Variants in CAAP1 observed in about 807,000 individuals in gnomAD.
CAAP1 encodes the protein caspase activity and apoptosis inhibitor 1, also known as conserved anti-apoptotic protein.
CAAP1 carries 20 observed loss-of-function variants against 34.0 expected under a neutral mutation model. The ratio of observed to expected loss-of-function variants is 0.59; its 90% confidence interval spans 0.41 to 0.86. The LOEUF (loss-of-function observed/expected upper bound fraction) is 0.86. Among genes scored for constraint, CAAP1 ranks in the 40% least tolerant of loss-of-function variants. The probability of loss-of-function intolerance (pLI) is 0.00; values close to 1 mark genes in which losing one functional copy is unlikely to be tolerated. For missense variants in CAAP1, 538 were observed against 450.5 expected (o/e 1.19, Z -1.76); for synonymous variants, 213 against 166.7 (o/e 1.28, Z -2.14).
intron 5 of CAAP1, among the ~76,000 whole-genome samples, chr9:26,845,951 T>A (rs901788039): frequency 2.0e-5 from 3 of 151,990 alleles, no homozygotes; most frequent in Admixed American, 1.3e-4. Flanking sequence ...TTCTTTGATA[T>A]AAAATGGATG....
At chr9:26,881,151 T>C (rs757152680) in intron 4 of CAAP1, among the ~76,000 whole-genome samples, 10 of 152,144 alleles carry the variant, frequency 6.6e-5, no homozygotes, top group Non-Finnish European at 1.5e-4. Context: ...TAATTTAATT[T>C]TTTGTAGAGA....
chr9:26,864,103 A>G (rs1479881158), intron 4 of CAAP1, among the ~76,000 whole-genome samples: 1 of 151,686 alleles, frequency 6.6e-6, no homozygotes, highest in Non-Finnish European at 1.5e-5. Context: ...TATCTCCAAC[A>G]CTCCTTTAAA....
intron 4 of CAAP1, among the ~76,000 whole-genome samples, chr9:26,875,599 T>C (rs972573548): frequency 1.3e-5 from 2 of 152,224 alleles, no homozygotes; most frequent in South Asian, 4.1e-4. Flanking sequence ...ACTGATATAA[T>C]TGTTTCTAAA....
rs564414365 is a variant in CAAP1 at position 26,890,837 on chromosome 9, C to T, written c.303+1576G>A. On this transcript the variant is annotated intron_variant, in intron 1 of 5. Coordinates refer to ENST00000333916, the MANE Select transcript of CAAP1 (RefSeq NM_024828.4). The stretch of plus-strand genomic sequence containing the variant: ...GCGGGCGCCTGCAGTCCCAGCTACT[C>T]GGGAGGCTGAGGCAGGGGAATGGCC... Among the ~76,000 whole-genome samples, 100 of 151,976 alleles carry T rather than the reference C, an allele frequency of 6.6e-4. 1 individual carries two copies. The highest frequency in any genetic ancestry group is 2.3e-3 in the African/African-American group (94 of 41,476).
chr9:26,866,649 C>A (rs1188950739), intron 4 of CAAP1, among the ~76,000 whole-genome samples: 3 of 152,112 alleles, frequency 2.0e-5, no homozygotes, highest in Admixed American at 6.6e-5. Context: ...AAGCTTGGGA[C>A]CTTAACATGG....
intron 5 of CAAP1, among the ~76,000 whole-genome samples, chr9:26,860,080 A>G (rs1200242656): frequency 6.6e-6 from 1 of 152,182 alleles, no homozygotes; most frequent in African/African-American, 2.4e-5. Flanking sequence ...GCCATCAAAG[A>G]TTAGGTGATT....
chr9:26,857,828 G>A (rs546987457), intron 5 of CAAP1, among the ~76,000 whole-genome samples: 1 of 152,128 alleles, frequency 6.6e-6, no homozygotes, highest in Non-Finnish European at 1.5e-5. Flanking sequence ...AGTACTGCCG[G>A]TTTCAAAAAT....
intron 4 of CAAP1, among the ~76,000 whole-genome samples, chr9:26,871,992 T>A (rs6475947): frequency 0.3 from 45,659 of 151,986 alleles, 8,293 homozygotes; most frequent in East Asian, 0.74. Context: ...CAATTGGGCT[T>A]TGTAAGTGGA....
chr9:26,856,797 C>CT lies in CAAP1; in HGVS notation c.739+4268dup, dbSNP rs1169438822. Among the ~76,000 whole-genome samples, 3 of 152,158 alleles carry CT rather than the reference C, an allele frequency of 2.0e-5. No individual in the cohort carries two copies. The East Asian group carries it at 5.8e-4, about 29-fold the overall frequency. ...TAGTCCTTCAAATATTTTACAGCAA[C>CT]TATAAACCTCAACTCCTCAATCTAA... On this transcript the variant is annotated intron_variant, in intron 5 of 5. Coordinates refer to ENST00000333916, the MANE Select transcript of CAAP1 (RefSeq NM_024828.4).
At chr9:26,873,528 C>T (rs1397631202) in intron 4 of CAAP1, among the ~76,000 whole-genome samples, 1 of 152,112 alleles carries the variant, frequency 6.6e-6, no homozygotes, top group Non-Finnish European at 1.5e-5. Context: ...TTTTATTGTG[C>T]TATTCAAGAC....
rs760753907 is a variant in CAAP1, at chr9:26,842,386, T to C, written c.1001A>G (p.Gln334Arg). ...PPPEDVQPSAQQLELLELEMR... is the reference protein window; with the variant it reads ...PPPEDVQPSARQLELLELEMR... ...CTCAAGTTCTAGCAGCTCCAGTTGCTGTGCAGAAGGTTGAACATCTTCTGG... is the reference window on the plus strand; with the variant it reads ...CTCAAGTTCTAGCAGCTCCAGTTGCCGTGCAGAAGGTTGAACATCTTCTGG... Residue 334 changes from glutamine to arginine, a missense_variant, in exon 6 of 6, where the codon CAG (glutamine) becomes CGG (arginine). Gln to Arg is a conservative substitution (Grantham distance 43, BLOSUM62 1). This residue lies in a region of CAAP1 where 6 missense variants were observed against 19.8 expected (regional missense o/e 0.30). Coordinates refer to ENST00000333916, the MANE Select transcript of CAAP1 (RefSeq NM_024828.4). 6 of 1,614,158 alleles carry C rather than the reference T, an allele frequency of 3.7e-6. No homozygotes were observed. The South Asian group carries it at 6.6e-5, about 18-fold the overall frequency.
chr9:26,890,854 G>C (rs576299415), intron 1 of CAAP1, among the ~76,000 whole-genome samples: 2 of 151,900 alleles, frequency 1.3e-5, no homozygotes, highest in Non-Finnish European at 2.9e-5. Flanking sequence ...CTGAGGCAGG[G>C]GAATGGCCTG....
At position 26,841,154 on chromosome 9, in the gene CAAP1, A is replaced by G. The variant is rs539944523; in HGVS notation, c.*1147T>C. 1 of 152,326 alleles carries G rather than the reference A, an allele frequency of 6.6e-6. No homozygotes were observed. The highest frequency in any genetic ancestry group is 6.5e-5 in the Admixed American group (1 of 15,302). The allele number at this position is 152,326 out of a possible 1,614,324, so 9.4% of individuals were successfully genotyped here. On this transcript the variant is annotated 3_prime_UTR_variant, in exon 6 of 6. Coordinates refer to ENST00000333916, the MANE Select transcript of CAAP1 (RefSeq NM_024828.4). ...AAAACACAATCCCTGCAACTTTTAT[A>G]TATAAGGAAAGTCCTCATACAGTAT...
At chr9:26,875,674 T>C (rs1295902471) in intron 4 of CAAP1, among the ~76,000 whole-genome samples, 2 of 152,324 alleles carry the variant, frequency 1.3e-5, no homozygotes, top group East Asian at 1.9e-4. Flanking sequence ...ACATTTTGTA[T>C]ATTAAACATT....
At chr9:26,860,965 T>C in intron 5 of CAAP1, 101 bp downstream of exon 5, 3 of 811,336 alleles carry the variant, frequency 3.7e-6, no homozygotes, top group Non-Finnish European at 6.4e-6. Flanking sequence ...TCTTCCTCTA[T>C]CTGTAAAATG....
At chr9:26,861,241 T>C in intron 4 of CAAP1, 102 bp from the exon 5 acceptor site, 1 of 753,286 alleles carries the variant, frequency 1.3e-6, no homozygotes. Flanking sequence ...GAAGACAGGC[T>C]ACATTCTTCT....
Position 26,861,127 on chromosome 9 carries a change from A to G in CAAP1, c.678T>C (p.Cys226=), listed in dbSNP as rs1822994748. The G allele has an allele frequency of 1.2e-6, 2 of 1,609,284 alleles. No individual in the cohort carries two copies. Among genetic ancestry groups the G allele is most frequent in the South Asian group, 1.1e-5 (1 of 90,802 alleles). ...CTCTCACGGATGAAGCAGAATCTAT[A>G]CAGATGTCTTGCCTGGGAAATGAAA... ...GSDLVSQQDI[C]IDSASSVREN... is the part of the protein sequence containing the mutation. The change falls in exon 5 of 6, where the codon TGT becomes TGC. Residue 226 remains cysteine (C), a synonymous_variant. Coordinates refer to ENST00000333916, the MANE Select transcript of CAAP1 (RefSeq NM_024828.4).
At chr9:26,862,584 G>T (rs1823027455) in intron 4 of CAAP1, among the ~76,000 whole-genome samples, 1 of 152,062 alleles carries the variant, frequency 6.6e-6, no homozygotes, top group Non-Finnish European at 1.5e-5. Flanking sequence ...AATGAGTAAT[G>T]TTCTGTTAAG....
In CAAP1 at chr9:26,870,547, TAC is replaced by T. The variant is rs141036873; in HGVS notation, c.666-9410_666-9409del. ...TCTCAGGGGTGTGTATATAGACACA[TAC>T]ACACACACACACACACGTATAAATA... is the stretch of plus-strand genomic sequence containing the variant. On this transcript the variant is annotated intron_variant, in intron 4 of 5. Coordinates refer to ENST00000333916, the MANE Select transcript of CAAP1 (RefSeq NM_024828.4). Among the ~76,000 whole-genome samples, 129 of 140,076 alleles carry T rather than the reference TAC, an allele frequency of 9.2e-4. 1 individual carries two copies. The highest frequency in any genetic ancestry group is 3.8e-3 in the South Asian group (16 of 4,256). The allele number at this position is 140,076 out of a possible 152,430, so 91.9% of individuals were successfully genotyped here.
Sources: gnomAD v4.1 joint callset for allele counts (sites outside exome capture counted in the v4.1 genomes callset) on GRCh38, gnomAD v4.1.1 for gene constraint, gnomAD v4.1.1 regional missense constraint, MANE v1.5 for transcripts, NCBI Gene and HGNC (gene_info 2026-07-23, HGNC 2026-07-21) for gene names.